The following SLC45A4 variants were observed in gnomAD, a reference collection of about 807,000 sequenced individuals.
The protein encoded by SLC45A4 is polyamine-transporter SLC45A4.
Under a neutral mutation model 63.7 loss-of-function variants are expected in SLC45A4, and 32 were observed. The observed-to-expected ratio is 0.50, with a 90% CI of 0.38 to 0.67. The LOEUF is 0.67. Ranked by LOEUF, SLC45A4 falls within the 30% of genes least tolerant of loss-of-function variation. The pLI is 0.00. For missense variants in SLC45A4, 1,027 were observed against 1,157.7 expected, an observed-to-expected ratio of 0.89 and a Z score of 1.64; for synonymous variants, 535 against 510.0, an observed-to-expected ratio of 1.05 and a Z score of -0.66.
chr8:141,306,416 G>C (rs1471376491), intron 1 of SLC45A4, among the ~76,000 whole-genome samples: 1 of 149,404 alleles, frequency 6.7e-6, no homozygotes, highest in Non-Finnish European at 1.5e-5. Flanking sequence ...TACTGCGCCT[G>C]AGTCTCCTCC....
intron 1 of SLC45A4, among the ~76,000 whole-genome samples, chr8:141,288,344 A>C (rs924253707): frequency 6.6e-6 from 1 of 152,224 alleles, no homozygotes; most frequent in Non-Finnish European, 1.5e-5. Flanking sequence ...TGCAAATGGC[A>C]CTTAGGGGTG....
Position 141,212,312 on chromosome 8 carries a change from C to G in SLC45A4, c.2186G>C (p.Gly729Ala). Residue 729 changes from glycine (G) to alanine (A), a missense_variant, in exon 8 of 9, where the codon GGC becomes GCC. By Grantham distance (60) the Gly-to-Ala change is moderately conservative. Coordinates refer to ENST00000517878, the MANE Select transcript of SLC45A4 (RefSeq NM_001286646.2). ...TTCGCCGGCCAACGGGGAAGACAGGCCTTTCTGCTCCTCCTTGGCCTCCTC... is the reference window on the plus strand; with the variant it reads ...TTCGCCGGCCAACGGGGAAGACAGGGCTTTCTGCTCCTCCTTGGCCTCCTC... ...VSEEAKEEQK[G>A]LSSPLAGEGR... 1.9e-6 allele frequency: 3 copies of G among 1,610,836 alleles called. No individual in the cohort carries two copies. Among genetic ancestry groups the G allele is most frequent in the Non-Finnish European group, 1.7e-6 (2 of 1,177,948 alleles).
At chr8:141,237,658 G>A (rs1335780202) in intron 2 of SLC45A4, among the ~76,000 whole-genome samples, 5 of 152,018 alleles carry the variant, frequency 3.3e-5, no homozygotes, top group East Asian at 1.9e-4. Flanking sequence ...GTCCCTCACC[G>A]CCGCCCTCCA....
rs1402362597 is a variant in SLC45A4 at position 141,211,373 on chromosome 8, C to A, written c.*199G>T. On this transcript the variant is annotated 3_prime_UTR_variant, in exon 9 of 9. Transcript: ENST00000517878. ...CGCGCACGCAGGAGCTCGTCTGGAGCTCACGCTCCGCCCCCAGGTGGTGCC... is the reference window on the plus strand; with the variant it reads ...CGCGCACGCAGGAGCTCGTCTGGAGATCACGCTCCGCCCCCAGGTGGTGCC... The A allele has an allele frequency of 1.3e-6, 2 of 1,486,832 alleles. No homozygotes were observed. The highest frequency in any genetic ancestry group is 4.7e-5 in the Admixed American group (2 of 42,268). 92.1% of individuals were successfully genotyped at this position (1,486,832 alleles called of 1,614,324 possible).
At chr8:141,261,246 A>G (rs533831639) in intron 1 of SLC45A4, among the ~76,000 whole-genome samples, 1 of 152,334 alleles carries the variant, frequency 6.6e-6, no homozygotes, top group Non-Finnish European at 1.5e-5. Flanking sequence ...GCTATCTATG[A>G]CAGACCCACA....
chr8:141,215,517 G>A lies in SLC45A4; in HGVS notation c.1941+242C>T, dbSNP rs970819685. 5.3e-5 allele frequency among the ~76,000 whole-genome samples: 8 copies of A among 152,092 alleles called. No individual in the cohort carries two copies. Among genetic ancestry groups the A allele is most frequent in the African/African-American group, 1.2e-4 (5 of 41,398 alleles). On this transcript the variant is annotated intron_variant, in intron 7 of 8. Transcript: ENST00000517878. The surrounding 1 kb of genome is among the most constrained non-coding windows in gnomAD (Gnocchi z 4.3). Reference sequence around the variant, plus strand: ...GGCAGGGACAGTGCTTTTGCCTCCAGAAGCCTCTGGAGGTGCTAGGGGGGT... The same window carrying A: ...GGCAGGGACAGTGCTTTTGCCTCCAAAAGCCTCTGGAGGTGCTAGGGGGGT...
intron 1 of SLC45A4, among the ~76,000 whole-genome samples, chr8:141,263,938 C>T (rs371309794): frequency 1.3e-5 from 2 of 152,086 alleles, no homozygotes; most frequent in African/African-American, 2.4e-5. Flanking sequence ...CATGGTGACC[C>T]GGCCCCAGCA....
Position 141,218,368 on chromosome 8 carries a change from G to A in SLC45A4, c.1272C>T (p.Ser424=). The A allele has an allele frequency of 6.2e-7, 1 of 1,608,360 alleles. No individual in the cohort carries two copies. Among genetic ancestry groups the A allele is most frequent in the Non-Finnish European group, 8.5e-7 (1 of 1,179,750 alleles). ...RRRHAFRRQA[S]STFSYYGKLG... is the part of the protein sequence containing the mutation. ...GCTTGCCGTAGTAGGAGAAGGTGCT[G>A]GAGGCCTGCCTGCGGAACGCGTGCC... Residue 424 remains serine, a synonymous_variant, in exon 5 of 9, where the codon TCC becomes TCT. Coordinates refer to ENST00000517878, the MANE Select transcript of SLC45A4 (RefSeq NM_001286646.2).
At chr8:141,269,138 C>T (rs1484912163) in intron 1 of SLC45A4, among the ~76,000 whole-genome samples, 2 of 152,240 alleles carry the variant, frequency 1.3e-5, no homozygotes, top group Non-Finnish European at 2.9e-5. Flanking sequence ...TCCACCTCAC[C>T]CGACAGCTCC....
At chr8:141,225,259 T>G (rs6987335) in intron 2 of SLC45A4, 50,172 of 152,108 alleles carry the variant, frequency 0.33, 9,032 homozygotes, top group Non-Finnish European at 0.41. Context: ...CACTGCTATA[T>G]TCCTCTGAGA....
chr8:141,296,679 T>C (rs1830565528), intron 1 of SLC45A4, among the ~76,000 whole-genome samples: 2 of 147,084 alleles, frequency 1.4e-5, no homozygotes. Flanking sequence ...CTATTAAAAA[T>C]ACAAAAATTA....
At chr8:141,245,548 A>G (rs1828148762) in intron 2 of SLC45A4, among the ~76,000 whole-genome samples, 1 of 152,086 alleles carries the variant, frequency 6.6e-6, no homozygotes, top group South Asian at 2.1e-4. Flanking sequence ...AGAATCCCAG[A>G]GCATCAGGGA....
intron 2 of SLC45A4, 100 bp from the exon 3 acceptor site, chr8:141,221,865 G>A (rs1393913488): frequency 1.4e-5 from 16 of 1,181,304 alleles, no homozygotes; most frequent in East Asian, 2.4e-5. Context: ...CTGTGTACAC[G>A]CACGCATGCG....
At chr8:141,236,383 A>G (rs1469591273) in intron 2 of SLC45A4, among the ~76,000 whole-genome samples, 1 of 152,206 alleles carries the variant, frequency 6.6e-6, no homozygotes, top group East Asian at 1.9e-4. Context: ...AAATCCTCAC[A>G]TATCAAGTGT....
intron 1 of SLC45A4, among the ~76,000 whole-genome samples, chr8:141,261,962 A>G (rs1377339538): frequency 6.6e-6 from 1 of 152,220 alleles, no homozygotes; most frequent in African/African-American, 2.4e-5. Context: ...CCTGACTTCA[A>G]ACTATACTAC....
chr8:141,298,462 C>T (rs1483625938), intron 1 of SLC45A4, among the ~76,000 whole-genome samples: 1 of 152,232 alleles, frequency 6.6e-6, no homozygotes, highest in East Asian at 1.9e-4. Context: ...ATGGAACATA[C>T]CACAGCAGGC....
chr8:141,257,768 C>T (rs147615393), intron 1 of SLC45A4, among the ~76,000 whole-genome samples: 47 of 152,280 alleles, frequency 3.1e-4, no homozygotes, highest in African/African-American at 9.9e-4. Flanking sequence ...ATCTTATAGG[C>T]GGAGGCCAGG....
intron 2 of SLC45A4, among the ~76,000 whole-genome samples, chr8:141,251,494 C>T (rs1262848851): frequency 6.6e-6 from 1 of 151,898 alleles, no homozygotes; most frequent in African/African-American, 2.4e-5. Context: ...GGGTTCTGTC[C>T]ACCCTCCGTG....
intron 2 of SLC45A4, among the ~76,000 whole-genome samples, chr8:141,248,890 A>C (rs1828340192): frequency 6.6e-6 from 1 of 151,914 alleles, no homozygotes; most frequent in African/African-American, 2.4e-5. Flanking sequence ...GGTGGTGCAC[A>C]CCTGTAGTCC....
Sources: allele counts gnomAD v4.1 joint callset (sites outside exome capture counted in the v4.1 genomes callset), GRCh38; gene constraint gnomAD v4.1.1; non-coding constraint Gnocchi (gnomAD v3.1); transcripts MANE v1.5; gene names NCBI Gene and HGNC (gene_info 2026-07-23, HGNC 2026-07-21).